BACH2: variants seen among roughly 807,000 people sequenced by gnomAD.
The protein encoded by BACH2 is transcription regulator protein BACH2.
Under a neutral mutation model 61.8 loss-of-function variants are expected in BACH2, and 5 were observed. The observed-to-expected ratio is 0.08, with a 90% confidence interval of 0.04 to 0.17. The LOEUF (loss-of-function observed/expected upper bound fraction) is 0.17. BACH2 is among the 10% of genes least tolerant of loss of function. The pLI, the probability that BACH2 is intolerant of heterozygous loss-of-function variation, is 1.00. For synonymous variants in BACH2, 446 were observed against 440.1 expected, an observed-to-expected ratio of 1.01 and a Z score of -0.17; for missense variants, 824 against 1,091.1, an observed-to-expected ratio of 0.76 and a Z score of 3.45.
At chr6:90,065,003 T>C (rs1780873459) in intron 5 of BACH2, among the ~76,000 whole-genome samples, 1 of 152,134 alleles carries the variant, frequency 6.6e-6, no homozygotes, top group Non-Finnish European at 1.5e-5. Flanking sequence ...GTTTTTCAAA[T>C]GGCTGCAAGA....
chr6:90,295,008 C>T (rs1246409602), intron 1 of BACH2, among the ~76,000 whole-genome samples: 2 of 152,352 alleles, frequency 1.3e-5, no homozygotes, highest in East Asian at 1.9e-4. Flanking sequence ...TAGTTAAATA[C>T]ACTCAACAGA....
At chr6:90,130,298 C>A (rs1001118207) in intron 4 of BACH2, among the ~76,000 whole-genome samples, 3 of 152,150 alleles carry the variant, frequency 2.0e-5, no homozygotes, top group African/African-American at 4.8e-5. Flanking sequence ...TAGGCCCATG[C>A]CCAGGATACA....
At chr6:90,056,004 C>T (rs1401139573) in intron 5 of BACH2, among the ~76,000 whole-genome samples, 1 of 152,152 alleles carries the variant, frequency 6.6e-6, no homozygotes, top group Non-Finnish European at 1.5e-5. Flanking sequence ...CTGGTACCAG[C>T]CACTGCAAAA....
intron 5 of BACH2, among the ~76,000 whole-genome samples, chr6:90,017,658 T>C (rs530192678): frequency 1.6e-4 from 24 of 152,334 alleles, no homozygotes; most frequent in African/African-American, 5.5e-4. Context: ...TCCCCTTTGG[T>C]CTTTTATAAA....
At chr6:89,971,854 C>T (rs185533213) in intron 6 of BACH2, among the ~76,000 whole-genome samples, 150 of 152,280 alleles carry the variant, frequency 9.9e-4, no homozygotes, top group South Asian at 8.3e-4. Flanking sequence ...TATCTCCCAC[C>T]GGGTCCCTCC....
chr6:90,093,385 A>G (rs906719009), intron 4 of BACH2, among the ~76,000 whole-genome samples: 2 of 152,160 alleles, frequency 1.3e-5, no homozygotes, highest in Non-Finnish European at 2.9e-5. Flanking sequence ...TTAAAAAGAC[A>G]CTAACTTAGG....
chr6:90,253,216 CCTGGATGA>C (rs984706144), intron 2 of BACH2, among the ~76,000 whole-genome samples: 3 of 151,896 alleles, frequency 2.0e-5, no homozygotes, highest in Admixed American at 1.3e-4. Flanking sequence ...TGTACTCCAA[CCTGGATGA>C]CAGGAGTGAA....
intron 4 of BACH2, among the ~76,000 whole-genome samples, chr6:90,175,566 C>A (rs1178287562): frequency 6.6e-6 from 1 of 151,820 alleles, no homozygotes; most frequent in Non-Finnish European, 1.5e-5. Context: ...TTTCAAAATT[C>A]TCAGTGTTGG....
At chr6:90,135,971 A>G (rs1270241653) in intron 4 of BACH2, among the ~76,000 whole-genome samples, 1 of 151,880 alleles carries the variant, frequency 6.6e-6, no homozygotes, top group East Asian at 1.9e-4. Context: ...CATCATCCCT[A>G]CTTCTTATCT....
intron 4 of BACH2, among the ~76,000 whole-genome samples, chr6:90,165,551 A>T (rs1295451915): frequency 1.3e-5 from 2 of 152,114 alleles, no homozygotes; most frequent in Non-Finnish European, 2.9e-5. Context: ...GAATTGGAAA[A>T]AACTACTTTC....
chr6:90,192,470 C>T (rs925006702), intron 4 of BACH2, among the ~76,000 whole-genome samples: 1 of 152,140 alleles, frequency 6.6e-6, no homozygotes, highest in Non-Finnish European at 1.5e-5. Flanking sequence ...TAATGACTAA[C>T]TTGATAGGAG....
intron 1 of BACH2, among the ~76,000 whole-genome samples, chr6:90,294,585 T>C (rs1772279453): frequency 6.6e-6 from 1 of 152,252 alleles, no homozygotes; most frequent in East Asian, 1.9e-4. Flanking sequence ...AACACTGTAA[T>C]TTGGCAATCT....
chr6:90,218,502 CTTTCT>C (rs751830274), intron 3 of BACH2, among the ~76,000 whole-genome samples: 29 of 147,030 alleles, frequency 2.0e-4, no homozygotes, highest in Non-Finnish European at 2.9e-4. Context: ...TTTTTCTTTT[CTTTCT>C]TTTTTTTTTT....
intron 5 of BACH2, among the ~76,000 whole-genome samples, chr6:90,069,358 C>T (rs764780566): frequency 2.0e-5 from 3 of 152,148 alleles, no homozygotes; most frequent in Non-Finnish European, 2.9e-5. Flanking sequence ...GTTTCAGCAA[C>T]CCCCTTTCAA....
At chr6:89,996,185 C>T (rs1776838246) in intron 6 of BACH2, among the ~76,000 whole-genome samples, 1 of 152,156 alleles carries the variant, frequency 6.6e-6, no homozygotes, top group South Asian at 2.1e-4. Context: ...ATCTTGATGG[C>T]CTCTTTCACC....
chr6:90,217,465 C>T (rs1769577578), intron 3 of BACH2, among the ~76,000 whole-genome samples: 1 of 152,106 alleles, frequency 6.6e-6, no homozygotes, highest in African/African-American at 2.4e-5. Flanking sequence ...TAAATAAATG[C>T]AGAATTGAAG....
In BACH2 at chr6:89,932,581, T is replaced by A; in HGVS notation, c.2353A>T (p.Asn785Tyr). 2 of 1,614,066 alleles carry A rather than the reference T, an allele frequency of 1.2e-6. No homozygotes were observed. Among genetic ancestry groups the A allele is most frequent in the Non-Finnish European group, 1.7e-6 (2 of 1,179,996 alleles). ...CCAGAGGTACAATTCTCGGAGGTGTTGCTGGGTGCCCAGGGGGGTCCGGGG... is the reference window on the plus strand; with the variant it reads ...CCAGAGGTACAATTCTCGGAGGTGTAGCTGGGTGCCCAGGGGGGTCCGGGG... ...APPGPPWAPSNTSENCTSGRR... is the reference protein window; with the variant it reads ...APPGPPWAPSYTSENCTSGRR... Residue 785 changes from asparagine (N) to tyrosine (Y), a missense_variant, in exon 9 of 9, where the codon AAC becomes TAC. Physicochemically the swap from Asn to Tyr is moderately radical, Grantham distance 143. This residue lies in a region of BACH2 where 135 missense variants were observed against 142.7 expected (regional missense o/e 0.95). Coordinates refer to ENST00000257749, the MANE Select transcript of BACH2 (RefSeq NM_021813.4).
intron 7 of BACH2, among the ~76,000 whole-genome samples, chr6:89,942,868 T>C (rs538593356): frequency 4.6e-5 from 7 of 152,336 alleles, no homozygotes; most frequent in African/African-American, 1.4e-4. Context: ...CTTCCCCCTC[T>C]GGAACACGAC....
At chr6:90,214,674 TA>T (rs1769469019) in intron 3 of BACH2, among the ~76,000 whole-genome samples, 2 of 151,956 alleles carry the variant, frequency 1.3e-5, no homozygotes, top group South Asian at 4.2e-4. Context: ...AAACTTTCAT[TA>T]ATCTGCAGAA....
Sources: allele counts gnomAD v4.1 joint callset (sites outside exome capture counted in the v4.1 genomes callset), GRCh38; gene constraint gnomAD v4.1.1; regional missense constraint gnomAD v4.1.1; transcripts MANE v1.5; gene names NCBI Gene and HGNC (gene_info 2026-07-23, HGNC 2026-07-21).